COL26A1: variants seen among roughly 807,000 people sequenced by gnomAD.
COL26A1 encodes the protein collagen type XXVI alpha 1 chain, also known as collagen alpha-1(XXVI) chain.
COL26A1 carries 41 observed loss-of-function variants against 59.3 expected under a neutral mutation model. The observed-to-expected ratio is 0.69, with a 90% CI of 0.54 to 0.90. COL26A1 has a LOEUF of 0.90. Ranked by LOEUF, COL26A1 falls within the 40% of genes least tolerant of loss-of-function variation. COL26A1 has a pLI of 0.00. For missense variants in COL26A1, 612 were observed against 602.3 expected (o/e 1.02, Z -0.17); for synonymous variants, 266 against 256.0 (o/e 1.04, Z -0.37).
At chr7:101,508,332 G>A (rs1236487761) in intron 3 of COL26A1, among the ~76,000 whole-genome samples, 2 of 151,938 alleles carry the variant, frequency 1.3e-5, no homozygotes, top group Non-Finnish European at 2.9e-5. Context: ...GACCAGCTTG[G>A]GCAACACAGC....
chr7:101,393,970 A>G (rs187911522), intron 1 of COL26A1, among the ~76,000 whole-genome samples: 226 of 151,208 alleles, frequency 1.5e-3, no homozygotes, highest in Non-Finnish European at 2.6e-3. Flanking sequence ...TAGAGATGGG[A>G]TCTTGCTATG....
chr7:101,510,292 C>T (rs1413419097), intron 3 of COL26A1, among the ~76,000 whole-genome samples: 1 of 152,162 alleles, frequency 6.6e-6, no homozygotes, highest in Non-Finnish European at 1.5e-5. Flanking sequence ...TTCCAAAATG[C>T]TGGGATTACA....
intron 1 of COL26A1, among the ~76,000 whole-genome samples, chr7:101,417,176 C>T (rs1458654866): frequency 6.6e-6 from 1 of 152,144 alleles, no homozygotes; most frequent in Non-Finnish European, 1.5e-5. Flanking sequence ...TGGTGCCTTT[C>T]TTCCATGATA....
intron 1 of COL26A1, among the ~76,000 whole-genome samples, chr7:101,411,983 G>T (rs1254992704): frequency 6.6e-6 from 1 of 152,086 alleles, no homozygotes; most frequent in Non-Finnish European, 1.5e-5. Context: ...TCTGACTCAG[G>T]CTCGGGACTC....
intron 1 of COL26A1, among the ~76,000 whole-genome samples, chr7:101,417,344 G>C (rs117420544): frequency 0.018 from 2,694 of 150,202 alleles, 35 homozygotes; most frequent in Non-Finnish European, 0.028. Flanking sequence ...CTGACTTTGA[G>C]AGTGACCCTG....
At chr7:101,382,502 TCTTA>T (rs1791471581) in intron 1 of COL26A1, among the ~76,000 whole-genome samples, 1 of 152,220 alleles carries the variant, frequency 6.6e-6, no homozygotes, top group African/African-American at 2.4e-5. Flanking sequence ...TTTTCTGAAC[TCTTA>T]TTTTCTACTG....
chr7:101,414,394 C>T (rs2130253118), intron 1 of COL26A1, among the ~76,000 whole-genome samples: 1 of 151,156 alleles, frequency 6.6e-6, no homozygotes, highest in South Asian at 2.1e-4. Context: ...CTCTCTCTCT[C>T]TCTCTCTCTC....
chr7:101,448,787 C>T (rs1323091418), intron 3 of COL26A1, among the ~76,000 whole-genome samples: 1 of 152,188 alleles, frequency 6.6e-6, no homozygotes, highest in Non-Finnish European at 1.5e-5. Flanking sequence ...CCACCTCTCC[C>T]GGCTGGAGGG....
At chr7:101,467,723 C>T (rs1793797347) in intron 3 of COL26A1, among the ~76,000 whole-genome samples, 1 of 151,980 alleles carries the variant, frequency 6.6e-6, no homozygotes, top group African/African-American at 2.4e-5. Context: ...AAAAATTAGC[C>T]AGGTATGGTG....
At chr7:101,527,401 C>T (rs1474852824) in intron 3 of COL26A1, among the ~76,000 whole-genome samples, 1 of 152,134 alleles carries the variant, frequency 6.6e-6, no homozygotes, top group African/African-American at 2.4e-5. Context: ...GATCTCGGCT[C>T]ACTGAAACCT....
Position 101,420,123 on chromosome 7 carries a change from C to T in COL26A1, c.281+24C>T, listed in dbSNP as rs769897269. 2.5e-6 allele frequency: 4 copies of T among 1,609,530 alleles called. No individual in the cohort carries two copies. The African/African-American group carries it at 5.3e-5, about 21-fold the overall frequency. On this transcript the variant is annotated intron_variant, in intron 2 of 12. Coordinates refer to ENST00000313669, the MANE Select transcript of COL26A1 (RefSeq NM_001278563.3). ...AGGTAAAGGCCGCTGGGCTAGGCTG[C>T]TCTGCCCTTCCCTCCCATTCCCTCG...
At chr7:101,421,273 G>T (rs548147779) in intron 2 of COL26A1, among the ~76,000 whole-genome samples, 1 of 152,320 alleles carries the variant, frequency 6.6e-6, no homozygotes, top group East Asian at 1.9e-4. Context: ...CTGGTCAAAT[G>T]CCTCCTTCCT....
chr7:101,439,612 G>A (rs118053455), intron 2 of COL26A1, among the ~76,000 whole-genome samples: 2,644 of 149,424 alleles, frequency 0.018, 34 homozygotes, highest in Middle Eastern at 0.028. Context: ...GAAGACCAGT[G>A]TGGCTGGAAA....
Position 101,363,019 on chromosome 7 carries a change from G to A in COL26A1, c.-14G>A, listed in dbSNP as rs773876080. The A allele has an allele frequency of 1.3e-5, 20 of 1,568,564 alleles. No individual in the cohort carries two copies. Among genetic ancestry groups the A allele is most frequent in the Admixed American group, 1.7e-5 (1 of 57,198 alleles). On this transcript the variant is annotated 5_prime_UTR_variant, in exon 1 of 13. Transcript: ENST00000313669. The stretch of plus-strand genomic sequence containing the variant: ...GTGCCCGGGACTCCGGGTCCCCGCG[G>A]GCTGCTGCGCACGATGAAGCTGGCC...
chr7:101,517,360 G>T (rs968746502), intron 3 of COL26A1, among the ~76,000 whole-genome samples: 1 of 149,648 alleles, frequency 6.7e-6, no homozygotes, highest in East Asian at 1.9e-4. Context: ...ACATACCCAA[G>T]ATTGGGCAAT....
At chr7:101,367,522 G>T (rs941125333) in intron 1 of COL26A1, among the ~76,000 whole-genome samples, 2 of 113,154 alleles carry the variant, frequency 1.8e-5, no homozygotes, top group African/African-American at 4.7e-5. Flanking sequence ...AAAATTAGCC[G>T]GGCGTGGTGG....
At chr7:101,452,735 A>G (rs1662387736) in intron 3 of COL26A1, among the ~76,000 whole-genome samples, 1 of 152,082 alleles carries the variant, frequency 6.6e-6, no homozygotes. Context: ...ACACATAGAA[A>G]AGGTACAGTA....
At chr7:101,552,466 A>T (rs1368924612) in intron 10 of COL26A1, among the ~76,000 whole-genome samples, 3 of 152,174 alleles carry the variant, frequency 2.0e-5, no homozygotes, top group African/African-American at 7.2e-5. Flanking sequence ...ATATTAAAAA[A>T]TTAGCTGGGT....
chr7:101,378,562 A>T (rs1405140298), intron 1 of COL26A1, among the ~76,000 whole-genome samples: 1 of 151,682 alleles, frequency 6.6e-6, no homozygotes, highest in Non-Finnish European at 1.5e-5. Flanking sequence ...GTGTTTCCCT[A>T]TGTCACCCAG....
Sources: gnomAD v4.1 joint callset for allele counts (sites outside exome capture counted in the v4.1 genomes callset) on GRCh38, gnomAD v4.1.1 for gene constraint, MANE v1.5 for transcripts, NCBI Gene and HGNC (gene_info 2026-07-23, HGNC 2026-07-21) for gene names.